The following KYNU variants were observed in gnomAD, a reference collection of about 807,000 sequenced individuals.
KYNU encodes the protein L-kynurenine hydrolase.
Under a neutral mutation model 59.2 loss-of-function variants are expected in KYNU, and 54 were observed. The ratio of observed to expected loss-of-function variants is 0.91; its 90% CI spans 0.73 to 1.14. The LOEUF is 1.14. Ranked by LOEUF, KYNU falls within the 50% of genes most tolerant of loss-of-function variation. The pLI, the probability that KYNU is intolerant of heterozygous loss-of-function variation, is 0.00. For synonymous variants in KYNU, 177 were observed against 192.0 expected (o/e 0.92, Z 0.65); for missense variants, 567 against 554.4 (o/e 1.02, Z -0.23).
intron 10 of KYNU, among the ~76,000 whole-genome samples, chr2:143,013,964 T>C (rs1167575390): frequency 2.0e-5 from 3 of 152,186 alleles, no homozygotes; most frequent in Admixed American, 1.3e-4. Flanking sequence ...CAAAGCTCCA[T>C]TGGAGACTTG....
At chr2:143,028,654 T>C (rs907974882) in intron 10 of KYNU, among the ~76,000 whole-genome samples, 2 of 150,894 alleles carry the variant, frequency 1.3e-5, no homozygotes, top group Non-Finnish European at 3.0e-5. Flanking sequence ...AAGACCAGCC[T>C]GACCAACATG....
chr2:143,031,234 T>C (rs1686728832), intron 11 of KYNU, among the ~76,000 whole-genome samples: 1 of 152,224 alleles, frequency 6.6e-6, no homozygotes, highest in African/African-American at 2.4e-5. Flanking sequence ...AGATGGGTTT[T>C]CTTATTTGGA....
intron 8 of KYNU, among the ~76,000 whole-genome samples, chr2:142,964,281 C>T (rs946585808): frequency 1.3e-5 from 2 of 151,920 alleles, no homozygotes; most frequent in Non-Finnish European, 2.9e-5. Flanking sequence ...GGGGGGTATA[C>T]ATTCATATAC....
chr2:143,022,020 A>C (rs1573907799), intron 10 of KYNU, among the ~76,000 whole-genome samples: 1 of 152,198 alleles, frequency 6.6e-6, no homozygotes, highest in East Asian at 1.9e-4. Flanking sequence ...TACCATACTA[A>C]AGTATCTGAA....
chr2:142,963,001 T>A (rs1041218422), intron 8 of KYNU, among the ~76,000 whole-genome samples: 1 of 152,096 alleles, frequency 6.6e-6, no homozygotes, highest in Non-Finnish European at 1.5e-5. Context: ...GATTTGGACA[T>A]GTGAGGCAAA....
At chr2:142,985,477 G>A (rs1431531678) in intron 9 of KYNU, among the ~76,000 whole-genome samples, 1 of 151,690 alleles carries the variant, frequency 6.6e-6, no homozygotes, top group Non-Finnish European at 1.5e-5. Context: ...CATCTTTTTA[G>A]TTTTTTTATT....
intron 12 of KYNU, among the ~76,000 whole-genome samples, chr2:143,033,830 GA>G (rs1558985614): frequency 6.6e-6 from 1 of 151,932 alleles, no homozygotes; most frequent in Non-Finnish European, 1.5e-5. Context: ...TTACTTGAAG[GA>G]AAAAAGAATA....
intron 10 of KYNU, among the ~76,000 whole-genome samples, chr2:143,001,113 C>G (rs1341500732): frequency 1.3e-5 from 2 of 152,136 alleles, no homozygotes; most frequent in Non-Finnish European, 2.9e-5. Context: ...TTCTATCTCA[C>G]TTTGTCCCCT....
intron 2 of KYNU, 33 bp from the exon 3 acceptor site, chr2:142,918,576 T>A (rs7599490): frequency 0.12 from 162,897 of 1,391,332 alleles, 2,916 homozygotes; most frequent in African/African-American, 0.28. Flanking sequence ...GCTTTTATTT[T>A]TTTTTTTTTT....
chr2:142,943,628 A>G (rs1398229040), intron 4 of KYNU, among the ~76,000 whole-genome samples: 2 of 152,216 alleles, frequency 1.3e-5, no homozygotes, highest in African/African-American at 4.8e-5. Context: ...TTCTCCCTGG[A>G]TAGATAAAAA....
In KYNU at chr2:142,909,121, G is replaced by C. The variant is rs145470038; in HGVS notation, c.170-9488G>C. Among the ~76,000 whole-genome samples, 1,155 of 151,420 alleles carry C rather than the reference G, an allele frequency of 7.6e-3. 7 individuals are homozygous for C. Among genetic ancestry groups the C allele is most frequent in the African/African-American group, 0.027 (1,107 of 41,296 alleles). On this transcript the variant is annotated intron_variant, in intron 2 of 13. Transcript: ENST00000264170. ...TTACAATTGTGATCATATATGGCTAGTGTTGATGCTATTAATAGGATGTTC... is the reference window on the plus strand; with the variant it reads ...TTACAATTGTGATCATATATGGCTACTGTTGATGCTATTAATAGGATGTTC...
intron 11 of KYNU, among the ~76,000 whole-genome samples, chr2:143,030,320 A>C (rs16858537): frequency 0.027 from 4,065 of 152,276 alleles, 176 homozygotes; most frequent in African/African-American, 0.093. Context: ...GTGAAACTCT[A>C]CCATGCAGAG....
chr2:142,923,925 A>G (rs751088007), intron 3 of KYNU, among the ~76,000 whole-genome samples: 40 of 152,340 alleles, frequency 2.6e-4, no homozygotes, highest in Non-Finnish European at 5.0e-4. Context: ...GTGTGCTGAC[A>G]GGACACTGAT....
intron 4 of KYNU, among the ~76,000 whole-genome samples, chr2:142,952,577 T>C (rs755695497): frequency 7.2e-5 from 11 of 151,942 alleles, no homozygotes; most frequent in South Asian, 2.1e-4. Context: ...GCTGGAACTA[T>C]AGGAGCATGC....
chr2:142,960,934 G>A (rs1186285177), intron 8 of KYNU, among the ~76,000 whole-genome samples, 164 bp downstream of exon 8: 6 of 151,344 alleles, frequency 4.0e-5, no homozygotes, highest in Non-Finnish European at 8.8e-5. Context: ...GGTGGCTCAC[G>A]CCTGTAATCC....
At chr2:142,987,171 T>C (rs947450482) in intron 10 of KYNU, among the ~76,000 whole-genome samples, 2 of 151,922 alleles carry the variant, frequency 1.3e-5, no homozygotes, top group African/African-American at 4.8e-5. Context: ...GTTTTCCACA[T>C]AGACAGTATG....
chr2:142,886,724 G>A (rs1271271795), intron 2 of KYNU, among the ~76,000 whole-genome samples: 1 of 152,212 alleles, frequency 6.6e-6, no homozygotes, highest in African/African-American at 2.4e-5. Context: ...TGGGAGATAA[G>A]GGGCTTGGTG....
At chr2:143,032,314 A>AT (rs1182895401) in intron 11 of KYNU, among the ~76,000 whole-genome samples, 89 of 151,498 alleles carry the variant, frequency 5.9e-4, no homozygotes, top group African/African-American at 2.1e-3. Context: ...AAACAAAAAA[A>AT]ACTGCTGTTT....
At chr2:143,027,795 A>G (rs1686619895) in intron 10 of KYNU, among the ~76,000 whole-genome samples, 1 of 152,154 alleles carries the variant, frequency 6.6e-6, no homozygotes, top group Non-Finnish European at 1.5e-5. Context: ...CATTTTGGAA[A>G]TGTCATAATT....
Sources: gnomAD v4.1 joint callset for allele counts (sites outside exome capture counted in the v4.1 genomes callset) on GRCh38, gnomAD v4.1.1 for gene constraint, MANE v1.5 for transcripts, NCBI Gene and HGNC (gene_info 2026-07-23, HGNC 2026-07-21) for gene names.